PDE1C: variants seen among roughly 807,000 people sequenced by gnomAD.
PDE1C encodes the protein phosphodiesterase 1C.
Under a neutral mutation model 93.1 loss-of-function variants are expected in PDE1C, and 62 were observed. That is an observed-to-expected ratio of 0.67 (90% CI 0.54 to 0.82). PDE1C has a LOEUF of 0.82. Among genes scored for constraint, PDE1C ranks in the 40% least tolerant of loss-of-function variants. PDE1C has a pLI of 0.00. For missense variants in PDE1C, 742 were observed against 884.6 expected, an observed-to-expected ratio of 0.84 and a Z score of 2.04; for synonymous variants, 325 against 310.1, an observed-to-expected ratio of 1.05 and a Z score of -0.50.
intron 2 of PDE1C, among the ~76,000 whole-genome samples, chr7:32,192,922 C>T (rs751132512): frequency 1.3e-5 from 2 of 152,138 alleles, no homozygotes; most frequent in Non-Finnish European, 2.9e-5. Flanking sequence ...TTTACATCTA[C>T]ATATTTCACC....
intron 2 of PDE1C, among the ~76,000 whole-genome samples, chr7:31,953,237 G>T (rs368027496): frequency 4.6e-5 from 7 of 152,250 alleles, no homozygotes; most frequent in African/African-American, 1.7e-4. Flanking sequence ...ACAGGTTTGC[G>T]ACGGTGCTGA....
At chr7:32,261,730 G>T (rs77337297) in intron 1 of PDE1C, among the ~76,000 whole-genome samples, 1 of 152,152 alleles carries the variant, frequency 6.6e-6, no homozygotes, top group African/African-American at 2.4e-5. Context: ...GTCTATAAAC[G>T]TTATAGTTAG....
At chr7:32,414,962 T>C (rs189595712) in intron 1 of PDE1C, among the ~76,000 whole-genome samples, 3 of 152,280 alleles carry the variant, frequency 2.0e-5, no homozygotes, top group Admixed American at 6.5e-5. Flanking sequence ...AGTAATAAGA[T>C]AAATATTAAA....
chr7:31,766,728 T>C (rs1049921489), intron 17 of PDE1C, among the ~76,000 whole-genome samples: 1 of 152,232 alleles, frequency 6.6e-6, no homozygotes, highest in African/African-American at 2.4e-5. Context: ...GCATATATCT[T>C]GTTGCAACTT....
upstream of PDE1C, chr7:32,070,678 G>T: frequency 7.7e-7 from 1 of 1,296,192 alleles, no homozygotes; most frequent in African/African-American, 1.5e-5. Context: ...ATAGGGATTG[G>T]GATTGGACTC....
intron 1 of PDE1C, among the ~76,000 whole-genome samples, chr7:32,268,677 G>T (rs1483661469): frequency 6.6e-6 from 1 of 152,046 alleles, no homozygotes; most frequent in Non-Finnish European, 1.5e-5. Context: ...TAAAATCAAT[G>T]ATTTGAGCTC....
intron 1 of PDE1C, among the ~76,000 whole-genome samples, chr7:32,315,989 T>C (rs1254793674): frequency 6.6e-6 from 1 of 152,092 alleles, no homozygotes; most frequent in Non-Finnish European, 1.5e-5. Context: ...GAGCGAAAAC[T>C]CCATCTCAAA....
intron 3 of PDE1C, among the ~76,000 whole-genome samples, chr7:32,113,985 C>G (rs767255556): frequency 5.3e-5 from 8 of 151,950 alleles, no homozygotes; most frequent in South Asian, 2.1e-4. Flanking sequence ...AGAGAGGACA[C>G]GAACACATGG....
chr7:32,396,218 C>A (rs923745043), intron 1 of PDE1C, among the ~76,000 whole-genome samples: 1 of 152,168 alleles, frequency 6.6e-6, no homozygotes, highest in Non-Finnish European at 1.5e-5. Context: ...GTGGCTCACA[C>A]CTGTAATCCC....
chr7:32,014,401 G>T (rs993044457), intron 2 of PDE1C, among the ~76,000 whole-genome samples: 1 of 152,190 alleles, frequency 6.6e-6, no homozygotes, highest in African/African-American at 2.4e-5. Context: ...AATCTAGTTT[G>T]TGTAGAAGCA....
intron 16 of PDE1C, 77 bp from the exon 17 acceptor site, chr7:31,775,809 A>G: frequency 1.6e-6 from 2 of 1,243,020 alleles, no homozygotes; most frequent in Non-Finnish European, 2.3e-6. Flanking sequence ...TTCATCTGAA[A>G]TGTTATCAAG....
At chr7:31,987,354 G>A (rs1783549243) in intron 2 of PDE1C, among the ~76,000 whole-genome samples, 1 of 152,196 alleles carries the variant, frequency 6.6e-6, no homozygotes, top group Non-Finnish European at 1.5e-5. Flanking sequence ...TTAGGAATCA[G>A]GACAGGATGA....
At chr7:32,029,061 T>G (rs1486591905) in intron 2 of PDE1C, among the ~76,000 whole-genome samples, 1 of 152,084 alleles carries the variant, frequency 6.6e-6, no homozygotes, top group Non-Finnish European at 1.5e-5. Context: ...ACAAAAAGCC[T>G]AATTTAAAAA....
chr7:32,276,301 A>T (rs555882058), intron 1 of PDE1C, among the ~76,000 whole-genome samples: 3 of 152,336 alleles, frequency 2.0e-5, no homozygotes, highest in African/African-American at 7.2e-5. Flanking sequence ...AACAAGCATA[A>T]ACAGGATTTG....
In PDE1C at chr7:31,768,800, C is replaced by T. The variant is rs376801315; in HGVS notation, c.1960+6864G>A. Among the ~76,000 whole-genome samples the T allele has an allele frequency of 2.6e-5, 4 of 152,066 alleles. 1 individual carries two copies. The highest frequency in any genetic ancestry group is 6.6e-5 in the Admixed American group (1 of 15,256). On this transcript the variant is annotated intron_variant, in intron 17 of 17. Transcript: ENST00000396191. The stretch of plus-strand genomic sequence containing the variant: ...CTTCTTGTTGACATACTTCCCTTAA[C>T]ACTTTTTTTTTTGAATGGAGTGGCC...
chr7:31,948,647 A>T (rs1362373778), intron 2 of PDE1C, among the ~76,000 whole-genome samples: 1 of 152,022 alleles, frequency 6.6e-6, no homozygotes, highest in African/African-American at 2.4e-5. Context: ...TTTCCATCTT[A>T]CTTATCTTTT....
intron 2 of PDE1C, among the ~76,000 whole-genome samples, chr7:31,934,561 CA>C (rs70989623): frequency 0.06 from 8,736 of 145,430 alleles, 391 homozygotes; most frequent in African/African-American, 0.13. Flanking sequence ...ACCACCAATA[CA>C]AAAAAAAAAA....
At chr7:32,220,060 T>C (rs928664557) in intron 1 of PDE1C, among the ~76,000 whole-genome samples, 2 of 152,182 alleles carry the variant, frequency 1.3e-5, no homozygotes, top group Non-Finnish European at 1.5e-5. Context: ...TCCACCATGA[T>C]TGTAGCCTCC....
the PDE1C span, among the ~76,000 whole-genome samples, chr7:31,688,373 C>T: frequency 6.6e-6 from 1 of 152,210 alleles, no homozygotes; most frequent in South Asian, 2.1e-4. Flanking sequence ...GAATTTTCTT[C>T]CCATAATTTA....
Sources: allele counts gnomAD v4.1 joint callset (sites outside exome capture counted in the v4.1 genomes callset), GRCh38; gene constraint gnomAD v4.1.1; transcripts MANE v1.5; gene names NCBI Gene and HGNC (gene_info 2026-07-23, HGNC 2026-07-21).